Variants in NUP98 observed in about 807,000 individuals in gnomAD.
NUP98 encodes nuclear pore complex protein Nup98-Nup96.
Under a neutral mutation model 191.9 loss-of-function variants are expected in NUP98, and 26 were observed. The ratio of observed to expected loss-of-function variants is 0.14; its 90% CI spans 0.10 to 0.19. The LOEUF (loss-of-function observed/expected upper bound fraction) is 0.19, where lower values mean the gene tolerates loss of function less well. Among genes scored for constraint, NUP98 ranks in the 10% least tolerant of loss-of-function variants. The pLI is 1.00. For synonymous variants in NUP98, 808 were observed against 778.4 expected, an observed-to-expected ratio of 1.04 and a Z score of -0.63; for missense variants, 1,941 against 2,178.8, an observed-to-expected ratio of 0.89 and a Z score of 2.17.
At position 3,760,562 on chromosome 11, in the gene NUP98, C is replaced by T; in HGVS notation, c.1151G>A (p.Gly384Asp). Reference sequence around the variant, plus strand: ...ACCAAAGAGCCCGCCACTGGTTGTACCAAATGAAGGTGCACTGGTTGTGCT... The same window carrying T: ...ACCAAAGAGCCCGCCACTGGTTGTATCAAATGAAGGTGCACTGGTTGTGCT... ...GSSTTSAPSF[G>D]TTSGGLFGFG... Residue 384 changes from glycine (G) to aspartate (D), a missense_variant, in exon 10 of 33, where the codon GGT becomes GAT. Around this residue, in one of 6 missense-constraint regions of NUP98, gnomAD observed 181 missense variants for 228.0 expected, o/e 0.79. Coordinates refer to ENST00000324932, the MANE Select transcript of NUP98 (RefSeq NM_016320.5). 6.2e-7 allele frequency: 1 copy of T among 1,613,962 alleles called. No individual in the cohort carries two copies. The highest frequency in any genetic ancestry group is 8.5e-7 in the Non-Finnish European group (1 of 1,179,916).
intron 14 of NUP98, among the ~76,000 whole-genome samples, chr11:3,730,552 C>T (rs1320177399): frequency 6.6e-6 from 1 of 152,014 alleles, no homozygotes; most frequent in African/African-American, 2.4e-5. Context: ...TCAGTAAAGA[C>T]GGGGTTTCAC....
chr11:3,723,469 G>T lies in NUP98; in HGVS notation c.1848-14C>A, dbSNP rs2079486750. The T allele has an allele frequency of 1.9e-6, 3 of 1,608,472 alleles. No individual in the cohort carries two copies. The highest frequency in any genetic ancestry group is 2.2e-5 in the East Asian group (1 of 44,828). On this transcript the variant is annotated splice_polypyrimidine_tract_variant and intron_variant, in intron 15 of 32. Coordinates refer to ENST00000324932, the MANE Select transcript of NUP98 (RefSeq NM_016320.5). Reference sequence around the variant, plus strand: ...AGGAAACTAAATCTGCAAAGGAAAAGAAATAATACCTTAGCCTCTTGTAGT... The same window carrying T: ...AGGAAACTAAATCTGCAAAGGAAAATAAATAATACCTTAGCCTCTTGTAGT...
At chr11:3,705,565 C>A (rs903324322) in intron 21 of NUP98, among the ~76,000 whole-genome samples, 1 of 152,174 alleles carries the variant, frequency 6.6e-6, no homozygotes, top group Non-Finnish European at 1.5e-5. Context: ...GTATCTATAG[C>A]GTCTCACCAG....
At chr11:3,764,088 C>A (rs374789488) in intron 8 of NUP98, among the ~76,000 whole-genome samples, 1 of 152,172 alleles carries the variant, frequency 6.6e-6, no homozygotes, top group Non-Finnish European at 1.5e-5. Flanking sequence ...TTCTTACACC[C>A]CCCAAAGAAA....
chr11:3,771,722 A>C, intron 7 of NUP98, 26 bp downstream of exon 7: 1 of 1,603,942 alleles, frequency 6.2e-7, no homozygotes, highest in Non-Finnish European at 8.5e-7. Context: ...TCCTCAGTAT[A>C]ATCTAACATG....
chr11:3,675,490 G>C lies in NUP98; in HGVS notation c.*669C>G, dbSNP rs974598768. ...CACAGACATGTCACATGTGACCAAG[G>C]GTTCCTGCACATAGTAGTAGCAAAG... On this transcript the variant is annotated 3_prime_UTR_variant, in exon 33 of 33. Coordinates refer to ENST00000324932, the MANE Select transcript of NUP98 (RefSeq NM_016320.5). 1.3e-5 allele frequency: 3 copies of C among 228,948 alleles called. No homozygotes were observed. Among genetic ancestry groups the C allele is most frequent in the African/African-American group, 6.7e-5 (3 of 45,048 alleles). The allele number at this position is 228,948 out of a possible 1,614,324, so 14.2% of individuals were successfully genotyped here.
chr11:3,727,143 T>A (rs1423537936), intron 14 of NUP98, among the ~76,000 whole-genome samples: 1 of 152,024 alleles, frequency 6.6e-6, no homozygotes, highest in Non-Finnish European at 1.5e-5. Context: ...GTCAGCATAA[T>A]CTTTATACCC....
At chr11:3,680,981 C>A (rs1289997601) in intron 30 of NUP98, among the ~76,000 whole-genome samples, 2 of 152,216 alleles carry the variant, frequency 1.3e-5, no homozygotes, top group African/African-American at 4.8e-5. Context: ...CTGCCTCAGC[C>A]TCCTGAGTAG....
intron 31 of NUP98, among the ~76,000 whole-genome samples, chr11:3,677,109 G>A (rs2077839235): frequency 6.6e-6 from 1 of 152,154 alleles, no homozygotes; most frequent in South Asian, 2.1e-4. Flanking sequence ...AAATAAATAA[G>A]AAAACACAAA....
intron 25 of NUP98, among the ~76,000 whole-genome samples, chr11:3,698,173 C>T (rs1445572581): frequency 6.6e-6 from 1 of 152,078 alleles, no homozygotes; most frequent in African/African-American, 2.4e-5. Flanking sequence ...ATGAAAAGAA[C>T]AGAATATAAT....
rs767597804 is a variant in NUP98 at position 3,693,298 on chromosome 11, A to G, written c.4245T>C (p.Leu1415=). 1.2e-6 allele frequency: 2 copies of G among 1,614,192 alleles called. No homozygotes were observed. Among genetic ancestry groups the G allele is most frequent in the Non-Finnish European group, 1.7e-6 (2 of 1,180,026 alleles). The change falls in exon 27 of 33, where the codon CTT becomes CTC. Residue 1415 remains leucine (L), a synonymous_variant. Coordinates refer to ENST00000324932, the MANE Select transcript of NUP98 (RefSeq NM_016320.5). ...AGGCTGTTGGTGGAAGCAAATACCA[A>G]AGATGGATAGCCAGGGAGCGTTTCC... ...LDWKRSLAIH[L]WYLLPPTASI... is the part of the protein sequence containing the mutation.
At position 3,713,824 on chromosome 11, in the gene NUP98, C is replaced by G. The variant is rs377112892; in HGVS notation, c.2571G>C (p.Val857=). 3.0e-5 allele frequency: 49 copies of G among 1,612,606 alleles called. No homozygotes were observed. The African/African-American group carries it at 5.5e-4, about 18-fold the overall frequency. ...CTGGGTTAAATGACTATACCTTAAA[C>G]ACCCAAGAACCAGTTTCAGGCCGGT... is the stretch of plus-strand genomic sequence containing the variant. ...KEYRPETGSW[V]FKVSHFSKYG... is the part of the protein sequence containing the mutation. Residue 857 remains valine (V), a synonymous_variant, in exon 19 of 33, where the codon GTG becomes GTC. Transcript: ENST00000324932.
At position 3,700,886 on chromosome 11, in the gene NUP98, A is replaced by T. The variant is rs768074828; in HGVS notation, c.3513-47T>A. ...AGAATAGAAAATGAACCTAAGACAG[A>T]AGCTAGGATTTTTACTTCAACCAAA... is the stretch of plus-strand genomic sequence containing the variant. On this transcript the variant is annotated intron_variant, in intron 23 of 32. Transcript: ENST00000324932. 4 of 1,338,364 alleles carry T rather than the reference A, an allele frequency of 3.0e-6. No homozygotes were observed. In the African/African-American group the frequency reaches 5.8e-5, roughly 20 times the overall value. The allele number at this position is 1,338,364 out of a possible 1,614,324, so 82.9% of individuals were successfully genotyped here. A position where few individuals can be genotyped will look rare whatever the true frequency, so the allele number is the denominator to read the frequency against.
chr11:3,720,967 G>GGTGTGTGT, intron 16 of NUP98, 142 bp from the exon 17 acceptor site: 10 of 434,530 alleles, frequency 2.3e-5, no homozygotes, highest in East Asian at 3.7e-5. Context: ...TAGGAGAAGG[G>GGTGTGTGT]GTGTGTGAGT....
In NUP98 at chr11:3,695,217, T is replaced by C. The variant is rs191124879; in HGVS notation, c.4167+232A>G. 1.8e-3 allele frequency among the ~76,000 whole-genome samples: 271 copies of C among 152,366 alleles called. 1 individual carries two copies. Among genetic ancestry groups the C allele is most frequent in the Admixed American group, 4.3e-3 (66 of 15,296 alleles). ...TTCTGTGAAGATAAAATTATTTATATTGTTTACCACTATATGATATGGGAT... is the reference window on the plus strand; with the variant it reads ...TTCTGTGAAGATAAAATTATTTATACTGTTTACCACTATATGATATGGGAT... On this transcript the variant is annotated intron_variant, in intron 26 of 32. Transcript: ENST00000324932.
intron 28 of NUP98, among the ~76,000 whole-genome samples, chr11:3,689,940 A>ATTTT (rs989043726): frequency 1.4e-5 from 1 of 73,574 alleles, no homozygotes; most frequent in Non-Finnish European, 2.6e-5. Context: ...GCTGGCCTGC[A>ATTTT]TTTTTTTTTT....
chr11:3,706,737 AG>A, intron 20 of NUP98, 110 bp from the exon 21 acceptor site: 1 of 1,079,060 alleles, frequency 9.3e-7, no homozygotes, highest in South Asian at 1.5e-5. Context: ...TATTAGATTC[AG>A]CCCATTCTAT....
intron 24 of NUP98, among the ~76,000 whole-genome samples, chr11:3,699,825 C>G (rs1364511408): frequency 6.6e-6 from 1 of 152,174 alleles, no homozygotes; most frequent in East Asian, 1.9e-4. Flanking sequence ...TGGCATAGGA[C>G]ATTCTAAAAC....
intron 12 of NUP98, 127 bp downstream of exon 12, chr11:3,744,382 C>G: frequency 1.1e-6 from 1 of 918,522 alleles, no homozygotes; most frequent in Non-Finnish European, 1.6e-6. Flanking sequence ...TCTTTACTAC[C>G]CAATTGTTTA....
Sources: allele counts gnomAD v4.1 joint callset (sites outside exome capture counted in the v4.1 genomes callset), GRCh38; gene constraint gnomAD v4.1.1; regional missense constraint gnomAD v4.1.1; transcripts MANE v1.5; gene names NCBI Gene and HGNC (gene_info 2026-07-23, HGNC 2026-07-21).